Variants in PHTF2 observed in about 807,000 individuals in gnomAD.
PHTF2 encodes protein PHTF2.
PHTF2 carries 60 observed loss-of-function variants against 101.2 expected under a neutral mutation model. The observed-to-expected ratio is 0.59, with a 90% CI of 0.48 to 0.73. The LOEUF (loss-of-function observed/expected upper bound fraction) is 0.73. Ranked by LOEUF, PHTF2 falls within the 30% of genes least tolerant of loss-of-function variation. The pLI is 0.00. For missense variants in PHTF2, 747 were observed against 908.7 expected (o/e 0.82, Z 2.29); for synonymous variants, 311 against 307.3 (o/e 1.01, Z -0.13).
intron 2 of PHTF2, among the ~76,000 whole-genome samples, chr7:77,853,725 T>C (rs987455361): frequency 6.6e-6 from 1 of 152,022 alleles, no homozygotes; most frequent in Non-Finnish European, 1.5e-5. Flanking sequence ...TCTCTCTCTC[T>C]CTTTCTTTTT....
At chr7:77,801,012 A>G (rs1019616526) in intron 1 of PHTF2, among the ~76,000 whole-genome samples, 2 of 152,236 alleles carry the variant, frequency 1.3e-5, no homozygotes, top group Admixed American at 6.5e-5. Flanking sequence ...GTGGAAAATA[A>G]CACTGCAAAA....
chr7:77,830,395 C>T (rs971172601), intron 1 of PHTF2, among the ~76,000 whole-genome samples: 7 of 152,190 alleles, frequency 4.6e-5, no homozygotes, highest in East Asian at 1.9e-4. Flanking sequence ...TGGTAGGAAC[C>T]GTGGGCTGCA....
At chr7:77,851,584 T>C (rs923029431) in intron 2 of PHTF2, among the ~76,000 whole-genome samples, 1 of 151,908 alleles carries the variant, frequency 6.6e-6, no homozygotes, top group Admixed American at 6.6e-5. Context: ...TTCGATTTCA[T>C]TTATTTCTGC....
At chr7:77,903,643 G>C (rs1372744016) in intron 7 of PHTF2, among the ~76,000 whole-genome samples, 1 of 152,138 alleles carries the variant, frequency 6.6e-6, no homozygotes, top group Non-Finnish European at 1.5e-5. Context: ...TAATCATAAG[G>C]CCCTTATGAT....
At chr7:77,954,646 A>ATATATATATATATG (rs567176874) in intron 19 of PHTF2, among the ~76,000 whole-genome samples, 1 of 142,938 alleles carries the variant, frequency 7.0e-6, no homozygotes, top group Non-Finnish European at 1.5e-5. Flanking sequence ...ATATATATAT[A>ATATATATATATATG]GCCACTTCTC....
At chr7:77,900,028 T>C (rs1801248927) in intron 5 of PHTF2, among the ~76,000 whole-genome samples, 1 of 152,202 alleles carries the variant, frequency 6.6e-6, no homozygotes, top group South Asian at 2.1e-4. Context: ...TGTATACTGA[T>C]AGCAGAAACT....
intron 1 of PHTF2, among the ~76,000 whole-genome samples, chr7:77,830,451 A>G (rs745694416): frequency 6.6e-6 from 1 of 152,180 alleles, no homozygotes; most frequent in African/African-American, 2.4e-5. Flanking sequence ...CTTCATCTGT[A>G]TTTACAGCTG....
intron 12 of PHTF2, among the ~76,000 whole-genome samples, chr7:77,932,627 T>A (rs1009486477): frequency 3.3e-4 from 44 of 133,914 alleles, no homozygotes; most frequent in African/African-American, 7.7e-4. Context: ...AGAGAGTGTG[T>A]GTGTGTGTGT....
chr7:77,924,883 C>G (rs190163073), intron 11 of PHTF2, among the ~76,000 whole-genome samples: 1 of 151,832 alleles, frequency 6.6e-6, no homozygotes, highest in Non-Finnish European at 1.5e-5. Flanking sequence ...ATTTAATCCC[C>G]GGTTTTTGCC....
intron 5 of PHTF2, chr7:77,896,094 A>ATGAT (rs2150810067): frequency 1.3e-5 from 2 of 152,256 alleles, no homozygotes; most frequent in South Asian, 4.1e-4. Flanking sequence ...GATAGTGGTA[A>ATGAT]TGATTGCACA....
intron 9 of PHTF2, among the ~76,000 whole-genome samples, chr7:77,913,996 G>A (rs1291503402): frequency 4.0e-5 from 6 of 150,884 alleles, no homozygotes; most frequent in Non-Finnish European, 8.8e-5. Context: ...AACCTGGGTG[G>A]CAGAGGTTGC....
intron 1 of PHTF2, among the ~76,000 whole-genome samples, chr7:77,829,075 G>A (rs140638236): frequency 2.0e-5 from 3 of 152,228 alleles, no homozygotes; most frequent in Non-Finnish European, 4.4e-5. Flanking sequence ...CCAGCTACTC[G>A]AGAGGCTGAG....
chr7:77,864,715 A>G (rs1368439777), intron 3 of PHTF2, among the ~76,000 whole-genome samples: 1 of 151,606 alleles, frequency 6.6e-6, no homozygotes, highest in South Asian at 2.1e-4. Context: ...TGGATTAGGT[A>G]TCTCCTCCTG....
intron 18 of PHTF2, among the ~76,000 whole-genome samples, chr7:77,952,769 T>C (rs985365010): frequency 1.3e-5 from 2 of 152,192 alleles, no homozygotes; most frequent in Non-Finnish European, 2.9e-5. Context: ...TATGATTCTT[T>C]TTGATCATAC....
Position 77,933,054 on chromosome 7 carries a change from C to G in PHTF2, c.1338+3727C>G, listed in dbSNP as rs1015572078. ...GAGATCGAGATCATCCTGGCTAACA[C>G]GGTGAAACCCCATCTCTACTAAAAA... On this transcript the variant is annotated intron_variant, in intron 12 of 19. Transcript: ENST00000416283. Among the ~76,000 whole-genome samples the G allele has an allele frequency of 1.2e-4, 18 of 152,012 alleles. No homozygotes were observed. In the East Asian group the frequency reaches 3.5e-3, roughly 29 times the overall value.
chr7:77,911,465 C>T (rs1423768686), intron 9 of PHTF2, among the ~76,000 whole-genome samples: 1 of 150,914 alleles, frequency 6.6e-6, no homozygotes, highest in Non-Finnish European at 1.5e-5. Context: ...TTATATATAC[C>T]TATAATAAAT....
At chr7:77,871,013 C>T (rs909826266) in intron 3 of PHTF2, among the ~76,000 whole-genome samples, 1 of 152,178 alleles carries the variant, frequency 6.6e-6, no homozygotes, top group Non-Finnish European at 1.5e-5. Context: ...ATGACAGTTA[C>T]AGTCCTTGTT....
chr7:77,840,419 T>G (rs1795780216), intron 2 of PHTF2, 119 bp downstream of exon 2: 1 of 619,362 alleles, frequency 1.6e-6, no homozygotes, highest in African/African-American at 1.9e-5. Context: ...TTTATTTTTC[T>G]TGTACTTATT....
chr7:77,862,506 G>A (rs1026868513), intron 3 of PHTF2, among the ~76,000 whole-genome samples: 5 of 152,096 alleles, frequency 3.3e-5, no homozygotes, highest in African/African-American at 4.8e-5. Flanking sequence ...GGCCTGTAGC[G>A]GTTGCCAGAT....
Sources: allele counts gnomAD v4.1 joint callset (sites outside exome capture counted in the v4.1 genomes callset), GRCh38; gene constraint gnomAD v4.1.1; transcripts MANE v1.5; gene names NCBI Gene and HGNC (gene_info 2026-07-23, HGNC 2026-07-21).